Variants in PTOV1 observed in about 807,000 individuals in gnomAD.
PTOV1 encodes PTOV1 extended AT-hook containing adaptor protein.
A neutral mutation model predicts 58.0 loss-of-function variants in PTOV1; 20 were observed. That is an observed-to-expected ratio of 0.34 (90% CI 0.24 to 0.50). The LOEUF (loss-of-function observed/expected upper bound fraction) is 0.50. PTOV1 is among the 20% of genes least tolerant of loss of function. The pLI, the probability that PTOV1 is intolerant of heterozygous loss-of-function variation, is 0.98. For missense variants in PTOV1, 593 were observed against 565.4 expected, an observed-to-expected ratio of 1.05 and a Z score of -0.50; for synonymous variants, 335 against 234.2, an observed-to-expected ratio of 1.43 and a Z score of -3.93.
intron 5 of PTOV1, 143 bp from the exon 6 acceptor site, chr19:49,856,832 C>T: frequency 2.0e-6 from 2 of 985,368 alleles, no homozygotes; most frequent in South Asian, 1.6e-5. Flanking sequence ...AGAGGCCCCT[C>T]ACCTATGGCC....
intron 5 of PTOV1, 172 bp downstream of exon 5, chr19:49,855,249 G>A (rs1299991983): frequency 1.6e-6 from 1 of 636,986 alleles, no homozygotes; most frequent in African/African-American, 1.8e-5. Context: ...CCTCCGTAGA[G>A]CACAGGGTGA....
exon 11 of PTOV1, chr19:49,860,165 G>A: frequency 1.2e-6 from 2 of 1,614,198 alleles, no homozygotes; most frequent in Non-Finnish European, 1.7e-6. Flanking sequence ...ACCTGGAGCA[G>A]GAGCAACAGC....
chr19:49,860,020 G>A lies in PTOV1; in HGVS notation c.1076G>A (p.Cys359Tyr), dbSNP rs1568653188. The A allele has an allele frequency of 7.4e-6, 12 of 1,614,078 alleles. No individual in the cohort carries two copies. The highest frequency in any genetic ancestry group is 2.7e-5 in the African/African-American group (2 of 74,940). The change falls in exon 11 of 12, where the codon TGT becomes TAT. Residue 359 changes from cysteine (C) to tyrosine (Y), a missense_variant. By Grantham distance (194) the Cys-to-Tyr change is radical. Coordinates refer to ENST00000391842, the Ensembl canonical transcript of PTOV1. The stretch of plus-strand genomic sequence containing the variant: ...GTGCACTTTTCCTACAAAGCATCGT[G>A]TGAGATCCGCGTGCTTATGCTCCTG...
In PTOV1 at chr19:49,856,840, G is replaced by A; in HGVS notation, c.559-135G>A. 7.4e-6 allele frequency: 8 copies of A among 1,076,548 alleles called. No individual in the cohort carries two copies. The South Asian group carries it at 9.1e-5, about 12-fold the overall frequency. 66.7% of individuals were successfully genotyped at this position (1,076,548 alleles called of 1,614,324 possible). A position where few individuals can be genotyped will look rare whatever the true frequency, so the allele number is the denominator to read the frequency against. On this transcript the variant is annotated intron_variant, in intron 5 of 11. Coordinates refer to ENST00000391842, the Ensembl canonical transcript of PTOV1. ...GGCTCTCAGAGGCCCCTCACCTATGGCCATGGCCTTGACTGTGGGGGCCTC... is the reference window on the plus strand; with the variant it reads ...GGCTCTCAGAGGCCCCTCACCTATGACCATGGCCTTGACTGTGGGGGCCTC...
chr19:49,859,034 G>A (rs1413498546), intron 10 of PTOV1: 6 of 176,596 alleles, frequency 3.4e-5, no homozygotes, highest in East Asian at 1.5e-4. Flanking sequence ...AATATTTGGC[G>A]ATTGTCTTAT....
intron 1 of PTOV1, among the ~76,000 whole-genome samples, chr19:49,854,184 C>T (rs1266629007): frequency 6.6e-6 from 1 of 152,170 alleles, no homozygotes; most frequent in Non-Finnish European, 1.5e-5. Context: ...TGACAGCAGG[C>T]TCTGGGAAGG....
chr19:49,856,646 C>G (rs1169121001), intron 5 of PTOV1: 3 of 345,418 alleles, frequency 8.7e-6, no homozygotes, highest in South Asian at 3.8e-5. Flanking sequence ...TGCCTGTGCT[C>G]TTAACCCCCA....
intron 1 of PTOV1, among the ~76,000 whole-genome samples, chr19:49,853,723 G>A (rs1484761515): frequency 2.6e-5 from 4 of 152,180 alleles, no homozygotes; most frequent in Non-Finnish European, 5.9e-5. Flanking sequence ...ACATGTTTTG[G>A]TCTGTGAGAC....
At position 49,851,497 on chromosome 19, in the gene PTOV1, A is replaced by G. The variant is rs1281945995; in HGVS notation, c.169A>G (p.Met57Val). Residue 57 changes from methionine to valine, a missense_variant and splice_region_variant, in exon 1 of 12, where the codon ATG becomes GTG. Transcript: ENST00000391842. ...GATCCGGGCCCGCTCGGCCCCTCCCATGGTGAGCCCCCCGCCCTTTTTCCA... is the reference window on the plus strand; with the variant it reads ...GATCCGGGCCCGCTCGGCCCCTCCCGTGGTGAGCCCCCCGCCCTTTTTCCA... 3.8e-5 allele frequency: 44 copies of G among 1,148,910 alleles called. No homozygotes were observed. Among genetic ancestry groups the G allele is most frequent in the Non-Finnish European group, 4.4e-5 (41 of 935,644 alleles). The allele number at this position is 1,148,910 out of a possible 1,614,324, so 71.2% of individuals were successfully genotyped here.
exon 6 of PTOV1, chr19:49,857,054 T>G (rs780273487): frequency 6.2e-7 from 1 of 1,614,028 alleles, no homozygotes; most frequent in South Asian, 1.1e-5. Flanking sequence ...AAGAAGAAGA[T>G]CTTCATGGGC....
At chr19:49,851,127 C>A, upstream of PTOV1, 1 of 1,337,442 alleles carries the variant, frequency 7.5e-7, no homozygotes, top group Non-Finnish European at 9.5e-7. Context: ...CTCGGACGCG[C>A]TTGGTACGCG....
chr19:49,856,198 C>T (rs1421367757), intron 5 of PTOV1: 1 of 152,242 alleles, frequency 6.6e-6, no homozygotes, highest in African/African-American at 2.4e-5. Flanking sequence ...TATCTGGGCC[C>T]CGAGTACCCA....
chr19:49,858,141 GC>G, intron 9 of PTOV1, 27 bp downstream of exon 9: 2 of 1,609,574 alleles, frequency 1.2e-6, no homozygotes, highest in South Asian at 2.2e-5. Flanking sequence ...GGGTGCTGGA[GC>G]CTGCACGCAG....
At chr19:49,858,942 C>G (rs1475061119) in intron 10 of PTOV1, 1 of 323,430 alleles carries the variant, frequency 3.1e-6, no homozygotes. Context: ...CCTTGTCACT[C>G]CTGGTTTCCC....
chr19:49,857,369 C>G (rs1023573086), intron 6 of PTOV1: 13 of 633,096 alleles, frequency 2.1e-5, no homozygotes, highest in Non-Finnish European at 3.0e-5. Flanking sequence ...GCCAGCGGAG[C>G]GGGGAGCTGG....
chr19:49,857,223 G>A (rs2074511537), intron 6 of PTOV1, 93 bp downstream of exon 6: 2 of 1,513,690 alleles, frequency 1.3e-6, no homozygotes, highest in South Asian at 2.3e-5. Context: ...GGCGGAGTGT[G>A]ATGCGATGGC....
At chr19:49,851,997 C>T in intron 1 of PTOV1, 2 of 985,510 alleles carry the variant, frequency 2.0e-6, no homozygotes, top group Non-Finnish European at 2.4e-6. Flanking sequence ...TACGCGCCCG[C>T]GCCCACATGT....
chr19:49,854,892 A>AGGG lies in PTOV1; in HGVS notation c.450+5_450+6insGGG. The AGGG allele has an allele frequency of 8.7e-6, 14 of 1,603,516 alleles. No individual in the cohort carries two copies. The highest frequency in any genetic ancestry group is 1.7e-4 in the Middle Eastern group (1 of 5,974). ...GCTGATCCCTCAGCAGCTGCTGGTG[A>AGGG]GACCCGCCCCTCCCACCCCATCCAC... On this transcript the variant is annotated splice_donor_region_variant and intron_variant, in intron 4 of 11. Coordinates refer to ENST00000391842, the Ensembl canonical transcript of PTOV1.
At chr19:49,855,387 T>G in intron 5 of PTOV1, 1 of 416,274 alleles carries the variant, frequency 2.4e-6, no homozygotes. Context: ...CGGGGACACA[T>G]AGCGTATGGC....
Sources: allele counts gnomAD v4.1 joint callset (sites outside exome capture counted in the v4.1 genomes callset), GRCh38; gene constraint gnomAD v4.1.1; transcripts MANE v1.5; gene names NCBI Gene and HGNC (gene_info 2026-07-23, HGNC 2026-07-21).